Variants in SEH1L observed in about 807,000 individuals in gnomAD.
SEH1L encodes the protein nucleoporin SEH1.
SEH1L carries 18 observed loss-of-function variants against 49.5 expected under a neutral mutation model. The ratio of observed to expected loss-of-function variants is 0.36; its 90% CI spans 0.25 to 0.54. The LOEUF (loss-of-function observed/expected upper bound fraction) is 0.54, where lower values mean the gene tolerates loss of function less well. Ranked by LOEUF, SEH1L falls within the 20% of genes least tolerant of loss-of-function variation. The pLI is 0.87. For missense variants in SEH1L, 404 were observed against 528.8 expected (o/e 0.76, Z 2.31); for synonymous variants, 169 against 178.1 (o/e 0.95, Z 0.41).
chr18:12,953,180 A>C (rs1362483202), intron 2 of SEH1L, among the ~76,000 whole-genome samples: 1 of 152,098 alleles, frequency 6.6e-6, no homozygotes, highest in Non-Finnish European at 1.5e-5. Flanking sequence ...AGGTTCATCC[A>C]TATTGTGTCA....
chr18:12,963,682 A>T (rs2031299880), intron 4 of SEH1L, among the ~76,000 whole-genome samples: 1 of 152,230 alleles, frequency 6.6e-6, no homozygotes. Context: ...GACACAGAAC[A>T]CCAGATATTG....
At chr18:12,981,133 A>G (rs1598980114) in intron 6 of SEH1L, among the ~76,000 whole-genome samples, 1 of 149,168 alleles carries the variant, frequency 6.7e-6, no homozygotes, top group African/African-American at 2.5e-5. Flanking sequence ...TGCTCCCCAC[A>G]TCTCAGATGA....
chr18:12,979,878 C>G (rs1014436417), intron 6 of SEH1L, among the ~76,000 whole-genome samples: 3 of 138,034 alleles, frequency 2.2e-5, no homozygotes, highest in Admixed American at 1.4e-4. Context: ...GGGGGGCTGA[C>G]CCCCCCACCT....
At chr18:12,961,812 G>A (rs896383546) in intron 3 of SEH1L, among the ~76,000 whole-genome samples, 17 of 151,876 alleles carry the variant, frequency 1.1e-4, no homozygotes, top group Non-Finnish European at 1.8e-4. Context: ...GATTGCAGGC[G>A]CCCGCCACAA....
At chr18:12,980,731 G>T (rs1482589130) in intron 6 of SEH1L, among the ~76,000 whole-genome samples, 2 of 52,546 alleles carry the variant, frequency 3.8e-5, no homozygotes, top group Non-Finnish European at 7.5e-5. Flanking sequence ...GGGGCGGCTG[G>T]CCGGGCAGAG....
At chr18:12,957,396 C>T (rs928986615) in intron 3 of SEH1L, among the ~76,000 whole-genome samples, 1 of 152,032 alleles carries the variant, frequency 6.6e-6, no homozygotes, top group African/African-American at 2.4e-5. Context: ...CCATTGCACT[C>T]CAGCCTGGGG....
intron 4 of SEH1L, among the ~76,000 whole-genome samples, chr18:12,966,211 G>A (rs554125516): frequency 1.3e-5 from 2 of 150,426 alleles, no homozygotes; most frequent in Admixed American, 1.3e-4. Flanking sequence ...TCCTGCCTCA[G>A]CCTCCTGAGT....
chr18:12,979,757 C>G (rs1308202422), intron 6 of SEH1L, among the ~76,000 whole-genome samples: 2 of 134,224 alleles, frequency 1.5e-5, no homozygotes, highest in South Asian at 2.5e-4. Context: ...CTGACCCCCC[C>G]ACCTCCCTCC....
chr18:12,985,396 C>A (rs2032424085), intron 8 of SEH1L: 1 of 1,378,760 alleles, frequency 7.3e-7, no homozygotes. Context: ...TAAACGCAAT[C>A]CAAAAGGCCT....
Position 12,955,545 on chromosome 18 carries a change from C to G in SEH1L, c.245C>G (p.Thr82Arg). Residue 82 changes from threonine to arginine, a missense_variant, in exon 3 of 9, where the codon ACA becomes AGA. Transcript: ENST00000399892. ...TTGGCTTCCTGTTCTTTTGACCGAA[C>G]AGCTGCTGTATGGGAAGAAATAGTA... ...QVLASCSFDR[T>R]AAVWEEIVGE... 2 of 1,613,804 alleles carry G rather than the reference C, an allele frequency of 1.2e-6. No individual in the cohort carries two copies. Among genetic ancestry groups the G allele is most frequent in the Non-Finnish European group, 1.7e-6 (2 of 1,179,970 alleles).
chr18:12,965,100 G>GCCT (rs1416362735), intron 4 of SEH1L, among the ~76,000 whole-genome samples: 1 of 110,532 alleles, frequency 9.0e-6, no homozygotes, highest in Non-Finnish European at 1.7e-5. Context: ...TGCAAGCTCC[G>GCCT]CCTCCTGGTT....
At position 12,987,149 on chromosome 18, in the gene SEH1L, T is replaced by C; in HGVS notation, c.*92T>C. Reference sequence around the variant, plus strand: ...TTGTTTTTCATTTTCTTTCAGAAGATTTTTCTAACTTAGGGTCTGTCTTGC... The same window carrying C: ...TTGTTTTTCATTTTCTTTCAGAAGACTTTTCTAACTTAGGGTCTGTCTTGC... On this transcript the variant is annotated 3_prime_UTR_variant, in exon 9 of 9. Transcript: ENST00000399892. The C allele has an allele frequency of 3.1e-6, 3 of 962,380 alleles. No homozygotes were observed. The highest frequency in any genetic ancestry group is 4.6e-6 in the Non-Finnish European group (3 of 653,140). 59.6% of individuals were successfully genotyped at this position (962,380 alleles called of 1,614,324 possible).
rs2032481402 is a variant in SEH1L at position 12,986,848 on chromosome 18, CTTCA to C, written c.1071-11_1071-8del. On this transcript the variant is annotated splice_polypyrimidine_tract_variant and intron_variant, in intron 8 of 8. Transcript: ENST00000399892. ...GTTTTGTTTGGTGTTTTGTTCCTGTCTTCATTGTTTCAGGTATTTCTTTACCCCT... is the reference window on the plus strand; with the variant it reads ...GTTTTGTTTGGTGTTTTGTTCCTGTCTTGTTTCAGGTATTTCTTTACCCCT... 3.6e-6 allele frequency: 5 copies of C among 1,374,290 alleles called. No individual in the cohort carries two copies. Among genetic ancestry groups the C allele is most frequent in the Non-Finnish European group, 4.7e-6 (5 of 1,055,462 alleles). 85.1% of individuals were successfully genotyped at this position (1,374,290 alleles called of 1,614,324 possible).
intron 1 of SEH1L, among the ~76,000 whole-genome samples, chr18:12,950,841 A>G (rs143640963): frequency 0.015 from 2,277 of 152,012 alleles, 39 homozygotes; most frequent in Non-Finnish European, 0.022. Flanking sequence ...TTGTTTTGAG[A>G]TGGAGTCTTG....
chr18:12,964,327 A>G (rs2031334379), intron 4 of SEH1L: 1 of 152,136 alleles, frequency 6.6e-6, no homozygotes, highest in African/African-American at 2.4e-5. Context: ...AGTCACTAGT[A>G]TATTTTTAAA....
chr18:12,948,571 C>T (rs896606708), intron 1 of SEH1L: 9 of 202,628 alleles, frequency 4.4e-5, no homozygotes, highest in Non-Finnish European at 8.8e-5. Flanking sequence ...TGGGTCTTGC[C>T]CGCGCTGTTC....
chr18:12,983,945 GTTTC>G, intron 7 of SEH1L, 91 bp from the exon 8 acceptor site: 1 of 861,086 alleles, frequency 1.2e-6, no homozygotes, highest in Non-Finnish European at 1.8e-6. Flanking sequence ...CCTCTGTCTC[GTTTC>G]TTTAATTGTA....
At position 12,978,853 on chromosome 18, in the gene SEH1L, C is replaced by T. The variant is rs897578017; in HGVS notation, c.722C>T (p.Ala241Val). Residue 241 changes from alanine (A) to valine (V), a missense_variant, in exon 6 of 9, where the codon GCG becomes GTG. By Grantham distance (64) the Ala-to-Val change is moderately conservative. This residue lies in a region of SEH1L where 342 missense variants were observed against 430.8 expected (regional missense o/e 0.79). Transcript: ENST00000399892. Reference protein sequence around the residue: ...LGRSFHILAIATKDVRIFTLK... With the variant: ...LGRSFHILAIVTKDVRIFTLK... ...AGATCTTTCCATATTCTAGCAATAG[C>T]GACCAAAGATGTGAGAATTTTTACA... The T allele has an allele frequency of 2.5e-6, 4 of 1,613,918 alleles. No individual in the cohort carries two copies. The highest frequency in any genetic ancestry group is 4.5e-5 in the East Asian group (2 of 44,864).
chr18:12,964,473 T>G (rs2145628620), intron 4 of SEH1L: 1 of 152,254 alleles, frequency 6.6e-6, no homozygotes, highest in South Asian at 2.1e-4. Context: ...TAGAGCACAT[T>G]TATACAACTT....
Sources: allele counts gnomAD v4.1 joint callset (sites outside exome capture counted in the v4.1 genomes callset), GRCh38; gene constraint gnomAD v4.1.1; regional missense constraint gnomAD v4.1.1; transcripts MANE v1.5; gene names NCBI Gene and HGNC (gene_info 2026-07-23, HGNC 2026-07-21).